BLACAT1: variants seen among roughly 807,000 people sequenced by gnomAD.
BLACAT1 encodes bladder cancer associated transcript 1.
chr1:205,436,640 G>A (rs1192181421), downstream of BLACAT1: 1 of 152,096 alleles, frequency 6.6e-6, no homozygotes, highest in Non-Finnish European at 1.5e-5. Context: ...TCTTGCTTTT[G>A]GGTCAGAGAG....
intron 1 of BLACAT1, among the ~76,000 whole-genome samples, chr1:205,443,846 G>A (rs988249796): frequency 1.4e-4 from 21 of 152,252 alleles, no homozygotes; most frequent in Non-Finnish European, 2.6e-4. Context: ...ATCCCTGCCC[G>A]CTGTGAACCC....
chr1:205,437,274 C>T (rs1666226073), downstream of BLACAT1: 1 of 152,848 alleles, frequency 6.5e-6, no homozygotes, highest in Non-Finnish European at 1.5e-5. Context: ...CTTGAGATCT[C>T]TTCTAGAATC....
At chr1:205,443,529 GC>G (rs1558744417) in intron 1 of BLACAT1, among the ~76,000 whole-genome samples, 1 of 152,180 alleles carries the variant, frequency 6.6e-6, no homozygotes, top group Admixed American at 6.5e-5. Flanking sequence ...CAGGAGCTGG[GC>G]TAGGGGCTGT....
chr1:205,452,907 T>A (rs530445678), intron 1 of BLACAT1, among the ~76,000 whole-genome samples: 6 of 152,356 alleles, frequency 3.9e-5, no homozygotes, highest in Admixed American at 2.6e-4. Context: ...AATGAATGAA[T>A]GGCTGATAAA....
chr1:205,442,471 C>T (rs1445143967), intron 1 of BLACAT1, among the ~76,000 whole-genome samples: 2 of 152,206 alleles, frequency 1.3e-5, no homozygotes, highest in African/African-American at 2.4e-5. Flanking sequence ...GGAAAAACTT[C>T]CTTCGTGTTT....
At chr1:205,438,554 A>G (rs973470545), downstream of BLACAT1, among the ~76,000 whole-genome samples, 3 of 152,270 alleles carry the variant, frequency 2.0e-5, no homozygotes, top group Non-Finnish European at 2.9e-5. Context: ...TAAAAGGAGC[A>G]AAGTCCCCAT....
chr1:205,437,760 T>G (rs1666232387), downstream of BLACAT1: 1 of 152,166 alleles, frequency 6.6e-6, no homozygotes. Context: ...CTATTTATAG[T>G]TGAGGAACCT....
intron 1 of BLACAT1, among the ~76,000 whole-genome samples, chr1:205,452,517 C>A (rs543307307): frequency 2.0e-5 from 3 of 152,204 alleles, no homozygotes; most frequent in African/African-American, 4.8e-5. Context: ...GGGTGCACAG[C>A]CACTTCTCAG....
At chr1:205,435,740 G>A (rs1026258758), downstream of BLACAT1, 9 of 152,194 alleles carry the variant, frequency 5.9e-5, no homozygotes, top group African/African-American at 2.2e-4. Context: ...CATCCTGATT[G>A]GCAGCTCTTT....
chr1:205,438,709 G>A (rs1666246867), downstream of BLACAT1, among the ~76,000 whole-genome samples: 1 of 152,126 alleles, frequency 6.6e-6, no homozygotes, highest in African/African-American at 2.4e-5. Flanking sequence ...CCGGCTTGGA[G>A]GCAGAGGACA....
chr1:205,448,027 G>A lies in BLACAT1; in HGVS notation c.-36-6965C>T, dbSNP rs908947735. 1.3e-4 allele frequency among the ~76,000 whole-genome samples: 20 copies of A among 152,146 alleles called. No homozygotes were observed. Among genetic ancestry groups the A allele is most frequent in the African/African-American group, 2.4e-5 (1 of 41,428 alleles). On this transcript the variant is annotated intron_variant, in intron 1 of 1. Transcript: ENST00000629624. The surrounding 1 kb of genome is among the most constrained non-coding windows in gnomAD (Gnocchi z 4.7). ...GCCAGGCCTCAGTAATTTGGCAAGG[G>A]GGAAGGAACCGACTCAGAAAGCTCA...
At chr1:205,435,520 C>T (rs1575005536), downstream of BLACAT1, 1 of 152,126 alleles carries the variant, frequency 6.6e-6, no homozygotes, top group South Asian at 2.1e-4. Flanking sequence ...GCCATTTGTT[C>T]CGGTTCTTTG....
At chr1:205,439,721 T>C (rs1666262352), downstream of BLACAT1, among the ~76,000 whole-genome samples, 1 of 152,144 alleles carries the variant, frequency 6.6e-6, no homozygotes, top group Admixed American at 6.5e-5. Context: ...TGCTCCCTGA[T>C]GAGGGAGAAC....
intron 1 of BLACAT1, among the ~76,000 whole-genome samples, chr1:205,444,214 G>C (rs1666344445): frequency 6.6e-6 from 1 of 152,064 alleles, no homozygotes; most frequent in African/African-American, 2.4e-5. Context: ...CCCAGAATAG[G>C]ATGGAGAGGC....
rs566811110 is a variant in BLACAT1, at chr1:205,450,295, G to A, written c.-37+5622C>T. On this transcript the variant is annotated intron_variant, in intron 1 of 1. Coordinates refer to ENST00000629624, the Ensembl canonical transcript of BLACAT1. This position sits in a 1 kb window ranked among gnomAD's most constrained non-coding sequence, Gnocchi z 4.4. ...CATGTATTACTCACGTCCCCCTGCC[G>A]GGCTATTGGTGCAGAGGGGCTGTTT... is the stretch of plus-strand genomic sequence containing the variant. Among the ~76,000 whole-genome samples the A allele has an allele frequency of 8.6e-5, 13 of 151,934 alleles. No homozygotes were observed. In the South Asian group the frequency reaches 2.5e-3, roughly 29 times the overall value.
At chr1:205,455,360 T>C (rs1666549711) in intron 1 of BLACAT1, among the ~76,000 whole-genome samples, 1 of 152,158 alleles carries the variant, frequency 6.6e-6, no homozygotes, top group South Asian at 2.1e-4. Flanking sequence ...CCTCCACATA[T>C]ACTGGAGTTG....
intron 1 of BLACAT1, among the ~76,000 whole-genome samples, chr1:205,444,091 C>T (rs574128209): frequency 3.9e-5 from 6 of 152,230 alleles, no homozygotes; most frequent in South Asian, 4.1e-4. Context: ...GGTCCACTCC[C>T]CACTCATCAG....
downstream of BLACAT1, among the ~76,000 whole-genome samples, chr1:205,438,679 C>T (rs1666246392): frequency 6.6e-6 from 1 of 152,156 alleles, no homozygotes; most frequent in Non-Finnish European, 1.5e-5. Flanking sequence ...CAACCTCAGC[C>T]CTGGGTGAAG....
At chr1:205,447,604 G>A (rs939274426) in intron 1 of BLACAT1, among the ~76,000 whole-genome samples, 5 of 152,080 alleles carry the variant, frequency 3.3e-5, no homozygotes, top group Non-Finnish European at 7.4e-5. Context: ...TGGGAGTGGC[G>A]ACAGGCATAG....
Sources: gnomAD v4.1 joint callset for allele counts (sites outside exome capture counted in the v4.1 genomes callset) on GRCh38, gnomAD v4.1.1 for gene constraint, Gnocchi (gnomAD v3.1) non-coding constraint, MANE v1.5 for transcripts, NCBI Gene and HGNC (gene_info 2026-07-23, HGNC 2026-07-21) for gene names.